The following AUTS2 variants were observed in gnomAD, a reference collection of about 807,000 sequenced individuals.
AUTS2 encodes the protein autism susceptibility gene 2 protein.
Under a neutral mutation model 112.4 loss-of-function variants are expected in AUTS2, and 17 were observed. That is an observed-to-expected ratio of 0.15 (90% CI 0.10 to 0.23). The LOEUF (loss-of-function observed/expected upper bound fraction) is 0.23, where lower values mean the gene tolerates loss of function less well. AUTS2 is among the 10% of genes least tolerant of loss of function. The probability of loss-of-function intolerance (pLI) is 1.00; values close to 1 mark genes in which losing one functional copy is unlikely to be tolerated. For synonymous variants in AUTS2, 751 were observed against 702.7 expected (o/e 1.07, Z -1.09); for missense variants, 1,510 against 1,701.6 (o/e 0.89, Z 1.98).
intron 1 of AUTS2, among the ~76,000 whole-genome samples, chr7:69,648,189 C>T (rs1795121019): frequency 6.6e-6 from 1 of 152,118 alleles, no homozygotes; most frequent in South Asian, 2.1e-4. Context: ...AAGCATGATT[C>T]CTGACCTATC....
At chr7:69,806,578 C>T (rs971576675) in intron 1 of AUTS2, among the ~76,000 whole-genome samples, 1 of 152,038 alleles carries the variant, frequency 6.6e-6, no homozygotes, top group African/African-American at 2.4e-5. Context: ...GTAATTTACC[C>T]ACATCTCAGC....
intron 4 of AUTS2, among the ~76,000 whole-genome samples, chr7:70,286,646 A>G (rs973592697): frequency 6.6e-6 from 1 of 152,240 alleles, no homozygotes; most frequent in Non-Finnish European, 1.5e-5. Context: ...AGAGAAAATG[A>G]TACTTGTCTT....
chr7:69,979,735 T>TG (rs1407240484), intron 2 of AUTS2, among the ~76,000 whole-genome samples: 1 of 152,340 alleles, frequency 6.6e-6, no homozygotes. Flanking sequence ...TGTTTGCTAC[T>TG]GAGGGCAGGA....
intron 4 of AUTS2, among the ~76,000 whole-genome samples, chr7:70,314,639 T>A (rs768276027): frequency 4.6e-5 from 7 of 152,256 alleles, no homozygotes; most frequent in African/African-American, 1.7e-4. Context: ...GTCCAGACTT[T>A]CGTATCACAC....
chr7:69,971,014 A>C (rs1286231629), intron 2 of AUTS2, among the ~76,000 whole-genome samples: 1 of 152,094 alleles, frequency 6.6e-6, no homozygotes, highest in African/African-American at 2.4e-5. Flanking sequence ...TATCTGCAAA[A>C]TTAAAAATTA....
At chr7:70,742,680 T>C (rs1448387645) in intron 6 of AUTS2, among the ~76,000 whole-genome samples, 1 of 152,158 alleles carries the variant, frequency 6.6e-6, no homozygotes, top group Non-Finnish European at 1.5e-5. Flanking sequence ...GAGAATAGCT[T>C]GAACCCGGGA....
chr7:70,077,895 G>A (rs1355114634), intron 2 of AUTS2, among the ~76,000 whole-genome samples: 1 of 152,140 alleles, frequency 6.6e-6, no homozygotes, highest in Non-Finnish European at 1.5e-5. Flanking sequence ...ATATTTTCCA[G>A]TCTTCTGAAT....
At chr7:70,574,262 T>C (rs1350578344) in intron 5 of AUTS2, among the ~76,000 whole-genome samples, 3 of 152,216 alleles carry the variant, frequency 2.0e-5, no homozygotes, top group Non-Finnish European at 4.4e-5. Flanking sequence ...TCTACTAACA[T>C]CTGAAAAAAG....
chr7:70,500,566 G>A (rs1057204268), intron 5 of AUTS2, among the ~76,000 whole-genome samples: 4 of 152,106 alleles, frequency 2.6e-5, no homozygotes, highest in Admixed American at 1.3e-4. Context: ...ATTCAGGGGC[G>A]GGATGAAGGA....
At chr7:70,410,926 C>T (rs1464773691) in intron 4 of AUTS2, among the ~76,000 whole-genome samples, 5 of 151,536 alleles carry the variant, frequency 3.3e-5, no homozygotes, top group East Asian at 1.9e-4. Context: ...TGCAGTGGTG[C>T]GATCTTGGCT....
At chr7:70,712,180 C>T (rs1226981780) in intron 6 of AUTS2, among the ~76,000 whole-genome samples, 1 of 148,064 alleles carries the variant, frequency 6.8e-6, no homozygotes, top group Non-Finnish European at 1.5e-5. Context: ...CACAAGCCAC[C>T]ATGCCTGGCT....
chr7:70,056,832 TTAAGA>T (rs1175531326), intron 2 of AUTS2, among the ~76,000 whole-genome samples: 6 of 152,262 alleles, frequency 3.9e-5, no homozygotes, highest in African/African-American at 1.4e-4. Flanking sequence ...CTGATTCAGT[TTAAGA>T]TATTTGATTT....
chr7:70,666,405 A>G (rs1045564687), intron 5 of AUTS2, among the ~76,000 whole-genome samples: 3 of 152,170 alleles, frequency 2.0e-5, no homozygotes, highest in African/African-American at 7.2e-5. Flanking sequence ...TAGAAGAGAA[A>G]TCGGTTCTGG....
chr7:70,338,263 C>A (rs1037944379), intron 4 of AUTS2, among the ~76,000 whole-genome samples: 5 of 152,086 alleles, frequency 3.3e-5, no homozygotes, highest in Non-Finnish European at 7.4e-5. Flanking sequence ...GTAAGTGCCC[C>A]TCTAGTAGAG....
At chr7:70,173,256 T>C (rs1369562434) in intron 4 of AUTS2, among the ~76,000 whole-genome samples, 1 of 151,278 alleles carries the variant, frequency 6.6e-6, no homozygotes, top group Non-Finnish European at 1.5e-5. Flanking sequence ...TGGGTGCCTG[T>C]AGTCTGAGGC....
intron 1 of AUTS2, among the ~76,000 whole-genome samples, chr7:69,635,507 A>G (rs1794476963): frequency 1.3e-5 from 2 of 152,210 alleles, no homozygotes; most frequent in South Asian, 4.1e-4. Flanking sequence ...AGTCTTAACA[A>G]GGAAAGCTGA....
chr7:70,154,039 C>A (rs1014444200), intron 4 of AUTS2, among the ~76,000 whole-genome samples: 3 of 152,218 alleles, frequency 2.0e-5, no homozygotes, highest in African/African-American at 7.2e-5. Flanking sequence ...TTCTCGGCAA[C>A]ATCTCAGATA....
At chr7:70,127,222 C>T (rs1806023898) in intron 3 of AUTS2, among the ~76,000 whole-genome samples, 1 of 152,132 alleles carries the variant, frequency 6.6e-6, no homozygotes, top group Admixed American at 6.5e-5. Flanking sequence ...CAACCTTGAC[C>T]TCCTGGGTTC....
chr7:69,745,028 C>T (rs1460434261), intron 1 of AUTS2, among the ~76,000 whole-genome samples: 1 of 152,178 alleles, frequency 6.6e-6, no homozygotes, highest in Non-Finnish European at 1.5e-5. Flanking sequence ...CGTGGACCCC[C>T]TGAGGCCTAG....
Sources: allele counts gnomAD v4.1 joint callset (sites outside exome capture counted in the v4.1 genomes callset), GRCh38; gene constraint gnomAD v4.1.1; transcripts MANE v1.5; gene names NCBI Gene and HGNC (gene_info 2026-07-23, HGNC 2026-07-21).